Variants in STX6 observed in about 807,000 individuals in gnomAD.
STX6 encodes syntaxin 6, also known as syntaxin-6.
In STX6, 23 loss-of-function variants were observed where a neutral mutation model predicts 38.0. The ratio of observed to expected loss-of-function variants is 0.60; its 90% CI spans 0.43 to 0.86. The LOEUF is 0.86. Among genes scored for constraint, STX6 ranks in the 40% least tolerant of loss-of-function variants. The pLI is 0.00. For missense variants in STX6, 274 were observed against 312.9 expected (o/e 0.88, Z 0.94); for synonymous variants, 123 against 107.5 (o/e 1.14, Z -0.89).
chr1:180,990,560 G>GA (rs5779077), intron 4 of STX6, among the ~76,000 whole-genome samples: 85,132 of 151,774 alleles, frequency 0.56, 24,201 homozygotes, highest in East Asian at 0.63. Context: ...TTGGTGGGGG[G>GA]AAAGGGAGAG....
chr1:181,013,384 T>A (rs1486035141), intron 1 of STX6, among the ~76,000 whole-genome samples: 1 of 152,188 alleles, frequency 6.6e-6, no homozygotes. Context: ...AGTGGTGCAA[T>A]CACAGCTCAC....
intron 7 of STX6, among the ~76,000 whole-genome samples, chr1:180,984,089 A>AAAC (rs141306282): frequency 5.2e-5 from 5 of 96,896 alleles, no homozygotes; most frequent in African/African-American, 1.6e-4. Context: ...AAAAAAAAAA[A>AAAC]ACACAACGAA....
intron 6 of STX6, among the ~76,000 whole-genome samples, chr1:180,985,756 A>T (rs1376472944): frequency 6.6e-6 from 1 of 152,256 alleles, no homozygotes; most frequent in Non-Finnish European, 1.5e-5. Context: ...GTAAATGATT[A>T]TTCTGAGGCT....
chr1:181,008,154 T>C (rs976035214), intron 1 of STX6, among the ~76,000 whole-genome samples: 2 of 152,234 alleles, frequency 1.3e-5, no homozygotes, highest in Non-Finnish European at 1.5e-5. Context: ...TAAAACTGTA[T>C]TAAAGAACTT....
chr1:180,976,493 C>A lies in STX6; in HGVS notation c.*77G>T. The A allele has an allele frequency of 8.0e-7, 1 of 1,253,026 alleles. No homozygotes were observed. The highest frequency in any genetic ancestry group is 1.2e-5 in the South Asian group (1 of 83,390). The allele number at this position is 1,253,026 out of a possible 1,614,324, so 77.6% of individuals were successfully genotyped here. ...CCAGGATAGGAATGTGAGTAGACGGCAATGTCACACGTGCTCAGCTTCTCC... is the reference window on the plus strand; with the variant it reads ...CCAGGATAGGAATGTGAGTAGACGGAAATGTCACACGTGCTCAGCTTCTCC... On this transcript the variant is annotated 3_prime_UTR_variant, in exon 8 of 8. Coordinates refer to ENST00000258301, the MANE Select transcript of STX6 (RefSeq NM_005819.6).
At position 180,972,808 on chromosome 1, in the gene STX6, T is replaced by C. The variant is rs1311883885; in HGVS notation, c.*3762A>G. The C allele has an allele frequency of 3.1e-6, 1 of 318,454 alleles. No individual in the cohort carries two copies. The highest frequency in any genetic ancestry group is 8.4e-5 in the East Asian group (1 of 11,836). 19.7% of individuals were successfully genotyped at this position (318,454 alleles called of 1,614,324 possible). ...GAGTAACAGTATCTCTAAGCTGAGT[T>C]ACTCTGATCGGAGCTACTGAAAGGT... On this transcript the variant is annotated 3_prime_UTR_variant, in exon 8 of 8. Coordinates refer to ENST00000258301, the MANE Select transcript of STX6 (RefSeq NM_005819.6).
At chr1:181,003,226 C>T (rs566639845) in intron 2 of STX6, among the ~76,000 whole-genome samples, 1 of 152,294 alleles carries the variant, frequency 6.6e-6, no homozygotes, top group East Asian at 1.9e-4. Flanking sequence ...CTATACTTCT[C>T]GTTCATAGTC....
At position 180,975,517 on chromosome 1, in the gene STX6, C is replaced by CCATT. The variant is rs1377658952; in HGVS notation, c.*1049_*1052dup. The CCATT allele has an allele frequency of 2.6e-5, 4 of 152,734 alleles. 1 individual carries two copies. The East Asian group carries it at 5.8e-4, about 22-fold the overall frequency. 9.5% of individuals were successfully genotyped at this position (152,734 alleles called of 1,614,324 possible). A position where few individuals can be genotyped will look rare whatever the true frequency, so the allele number is the denominator to read the frequency against. On this transcript the variant is annotated 3_prime_UTR_variant, in exon 8 of 8. Coordinates refer to ENST00000258301, the MANE Select transcript of STX6 (RefSeq NM_005819.6). ...AACCAAGTTTACCTACACATCCTTGCCATTACCCACAGAGTAAGAGAAGTC... is the reference window on the plus strand; with the variant it reads ...AACCAAGTTTACCTACACATCCTTGCCATTCATTACCCACAGAGTAAGAGAAGTC...
chr1:181,020,060 C>T (rs1571359512), intron 1 of STX6, among the ~76,000 whole-genome samples: 1 of 151,900 alleles, frequency 6.6e-6, no homozygotes, highest in African/African-American at 2.4e-5. Context: ...CCTAAAAATA[C>T]AAAAATTAGC....
At chr1:181,014,311 T>C (rs1227429649) in intron 1 of STX6, among the ~76,000 whole-genome samples, 2 of 151,744 alleles carry the variant, frequency 1.3e-5, no homozygotes, top group African/African-American at 4.8e-5. Context: ...GAAGAATCGC[T>C]TGAACCCAGG....
chr1:181,022,408 G>C (rs926452964), intron 1 of STX6, among the ~76,000 whole-genome samples: 12 of 152,072 alleles, frequency 7.9e-5, no homozygotes, highest in African/African-American at 2.9e-4. Context: ...GGCCAAAAAG[G>C]GCCCCCCACC....
At chr1:181,019,044 G>T (rs1478976505) in intron 1 of STX6, among the ~76,000 whole-genome samples, 1 of 152,158 alleles carries the variant, frequency 6.6e-6, no homozygotes, top group African/African-American at 2.4e-5. Context: ...CTAAAATGTG[G>T]CTAGTATTCA....
At chr1:181,002,064 G>C (rs1244799976) in intron 3 of STX6, among the ~76,000 whole-genome samples, 1 of 152,142 alleles carries the variant, frequency 6.6e-6, no homozygotes, top group African/African-American at 2.4e-5. Context: ...CAGCTATTTG[G>C]GAGGCAGAGG....
chr1:180,980,945 T>C (rs1655396714), intron 7 of STX6, among the ~76,000 whole-genome samples: 1 of 152,138 alleles, frequency 6.6e-6, no homozygotes, highest in African/African-American at 2.4e-5. Flanking sequence ...ATCTGTGATA[T>C]ATGATTCCAA....
chr1:180,990,930 A>G (rs1227142716), intron 4 of STX6, among the ~76,000 whole-genome samples: 1 of 152,220 alleles, frequency 6.6e-6, no homozygotes, highest in Non-Finnish European at 1.5e-5. Context: ...CCAGATCCCC[A>G]CAAGCCTTCC....
At chr1:180,997,889 T>G (rs1655958657) in intron 3 of STX6, among the ~76,000 whole-genome samples, 1 of 152,238 alleles carries the variant, frequency 6.6e-6, no homozygotes, top group South Asian at 2.1e-4. Context: ...TTGACACTAA[T>G]TATTTCTAGG....
intron 5 of STX6, chr1:180,988,566 A>G: frequency 2.2e-6 from 1 of 456,674 alleles, no homozygotes; most frequent in Non-Finnish European, 4.0e-6. Flanking sequence ...ACTTGTGAAC[A>G]GTCAGCGGGG....
At chr1:180,984,190 C>T (rs1056075244) in intron 7 of STX6, among the ~76,000 whole-genome samples, 3 of 148,946 alleles carry the variant, frequency 2.0e-5, no homozygotes, top group African/African-American at 7.4e-5. Context: ...AAGATAAAGA[C>T]TGCACATACA....
rs150511326 is a variant in STX6, at chr1:180,998,541, C to T, written c.300+4065G>A. 9.3e-3 allele frequency among the ~76,000 whole-genome samples: 1,417 copies of T among 152,268 alleles called. 21 individuals carry two copies. The highest frequency in any genetic ancestry group is 0.033 in the African/African-American group (1,360 of 41,542). On this transcript the variant is annotated intron_variant, in intron 3 of 7. Coordinates refer to ENST00000258301, the MANE Select transcript of STX6 (RefSeq NM_005819.6). Reference sequence around the variant, plus strand: ...GACTATAGGCAGCTGCCACCACACCCAGCTAATTTTTGTATTTTTAGTAGA... The same window carrying T: ...GACTATAGGCAGCTGCCACCACACCTAGCTAATTTTTGTATTTTTAGTAGA...
Sources: gnomAD v4.1 joint callset for allele counts (sites outside exome capture counted in the v4.1 genomes callset) on GRCh38, gnomAD v4.1.1 for gene constraint, MANE v1.5 for transcripts, NCBI Gene and HGNC (gene_info 2026-07-23, HGNC 2026-07-21) for gene names.